Variants in EIF3L observed in about 807,000 individuals in gnomAD.
EIF3L encodes the protein eIEF associated protein HSPC021.
Under a neutral mutation model 74.6 loss-of-function variants are expected in EIF3L, and 32 were observed. That is an observed-to-expected ratio of 0.43 (90% confidence interval 0.32 to 0.58). The LOEUF is 0.58. EIF3L is among the 20% of genes least tolerant of loss of function. The probability of loss-of-function intolerance (pLI) is 0.06; values close to 1 mark genes in which losing one functional copy is unlikely to be tolerated. For missense variants in EIF3L, 474 were observed against 707.8 expected (o/e 0.67, Z 3.75); for synonymous variants, 256 against 254.4 (o/e 1.01, Z -0.06).
In EIF3L at chr22:37,875,879, A is replaced by G. The variant is rs2145832969; in HGVS notation, c.945A>G (p.Thr315=). Residue 315 remains threonine (T), a synonymous_variant, in exon 10 of 13, where the codon ACA becomes ACG. Transcript: ENST00000652021. ...GTGTGCCAGAGTGCCAGGTCACCAC[A>G]TACTATTATGTTGGGTTTGCATATT... The part of the protein sequence containing the change: ...YSRVPECQVT[T]YYYVGFAYLM... The G allele has an allele frequency of 1.2e-6, 2 of 1,614,006 alleles. No homozygotes were observed. The highest frequency in any genetic ancestry group is 4.5e-5 in the East Asian group (2 of 44,878).
At chr22:37,884,854 A>T (rs1012921741) in intron 11 of EIF3L, 14 of 150,334 alleles carry the variant, frequency 9.3e-5, no homozygotes, top group Non-Finnish European at 1.9e-4. Flanking sequence ...ATATATAAAT[A>T]AATAAAAATA....
intron 3 of EIF3L, among the ~76,000 whole-genome samples, chr22:37,854,771 T>G (rs751210938): frequency 2.0e-5 from 3 of 152,142 alleles, no homozygotes; most frequent in Non-Finnish European, 2.9e-5. Flanking sequence ...CTGGCCTGTT[T>G]CAGTGTTTCT....
chr22:37,867,488 G>A lies in EIF3L; in HGVS notation c.580-2688G>A, dbSNP rs143646023. Among the ~76,000 whole-genome samples the A allele has an allele frequency of 1.6e-3, 247 of 151,722 alleles. 1 individual carries two copies. The highest frequency in any genetic ancestry group is 5.4e-3 in the African/African-American group (225 of 41,376). ...AGCCTGGCCAACATGGTGAAACCCC[G>A]TCTCTACTAAAAATACAAAAATTAC... is the stretch of plus-strand genomic sequence containing the variant. On this transcript the variant is annotated intron_variant, in intron 7 of 12. Coordinates refer to ENST00000652021, the MANE Select transcript of EIF3L (RefSeq NM_016091.4).
intron 8 of EIF3L, 45 bp from the exon 9 acceptor site, chr22:37,874,325 C>T (rs569543021): frequency 6.3e-7 from 1 of 1,591,884 alleles, no homozygotes; most frequent in African/African-American, 1.3e-5. Flanking sequence ...GTGTGCCTGC[C>T]TTTACCTGCC....
At chr22:37,863,222 T>G in intron 6 of EIF3L, 50 bp from the exon 7 acceptor site, 2 of 1,498,108 alleles carry the variant, frequency 1.3e-6, no homozygotes, top group Non-Finnish European at 1.8e-6. Flanking sequence ...GCCTACAGAA[T>G]GGGCAGAGTC....
intron 3 of EIF3L, among the ~76,000 whole-genome samples, chr22:37,852,111 C>T (rs987035769): frequency 6.6e-6 from 1 of 152,148 alleles, no homozygotes; most frequent in African/African-American, 2.4e-5. Context: ...GCCTGTTGGA[C>T]TTTATATCCT....
intron 4 of EIF3L, among the ~76,000 whole-genome samples, chr22:37,858,098 C>A (rs1925631389): frequency 6.6e-6 from 1 of 151,874 alleles, no homozygotes. Context: ...ATCACTTGAG[C>A]CCTGGAAGTC....
At chr22:37,874,667 C>A in intron 9 of EIF3L, 143 bp downstream of exon 9, 2 of 986,212 alleles carry the variant, frequency 2.0e-6, no homozygotes, top group Non-Finnish European at 1.4e-6. Flanking sequence ...TAAAACTGGG[C>A]AAACAGCTGT....
intron 5 of EIF3L, among the ~76,000 whole-genome samples, chr22:37,860,624 C>T (rs563995868): frequency 4.1e-4 from 63 of 152,342 alleles, no homozygotes; most frequent in African/African-American, 1.3e-3. Context: ...CCGCCCGCCT[C>T]GGCTTCCCAA....
intron 5 of EIF3L, among the ~76,000 whole-genome samples, chr22:37,859,421 G>C (rs1313605880): frequency 1.7e-5 from 2 of 119,870 alleles, no homozygotes; most frequent in Admixed American, 1.1e-4. Flanking sequence ...TCGCTCTGTC[G>C]CCCAGGCTGG....
chr22:37,865,425 A>G (rs2145817290), intron 7 of EIF3L, among the ~76,000 whole-genome samples: 1 of 152,108 alleles, frequency 6.6e-6, no homozygotes, highest in Middle Eastern at 3.4e-3. Flanking sequence ...GTGCCACTGC[A>G]CTCCAGCCTG....
intron 8 of EIF3L, 136 bp downstream of exon 8, chr22:37,870,483 G>A: frequency 1.2e-6 from 1 of 828,764 alleles, no homozygotes. Flanking sequence ...CTTTGTAGGT[G>A]CTTGAGTACA....
At position 37,875,896 on chromosome 22, in the gene EIF3L, T is replaced by G. The variant is rs1926719710; in HGVS notation, c.962T>G (p.Phe321Cys). The stretch of plus-strand genomic sequence containing the variant: ...GTCACCACATACTATTATGTTGGGT[T>G]TGCATATTTGATGATGCGTCGTTAC... ...CQVTTYYYVG[F>C]AYLMMRRYQD... Residue 321 changes from phenylalanine to cysteine, a missense_variant, in exon 10 of 13, where the codon TTT (phenylalanine) becomes TGT (cysteine). Transcript: ENST00000652021. The G allele has an allele frequency of 6.2e-7, 1 of 1,613,986 alleles. No homozygotes were observed. Among genetic ancestry groups the G allele is most frequent in the African/African-American group, 1.3e-5 (1 of 74,910 alleles).
chr22:37,876,937 G>A (rs1926784736), intron 10 of EIF3L: 1 of 152,230 alleles, frequency 6.6e-6, no homozygotes, highest in African/African-American at 2.4e-5. Context: ...TGGAGGGCAA[G>A]TAGGTAGTAG....
At chr22:37,873,548 C>T (rs1926591030) in intron 8 of EIF3L, among the ~76,000 whole-genome samples, 1 of 152,152 alleles carries the variant, frequency 6.6e-6, no homozygotes, top group South Asian at 2.1e-4. Context: ...CCACCTCAGC[C>T]TCCCAAAGTG....
Position 37,870,259 on chromosome 22 carries a change from C to G in EIF3L, c.663C>G (p.Ile221Met), listed in dbSNP as rs1926399499. 1 of 1,613,918 alleles carries G rather than the reference C, an allele frequency of 6.2e-7. No individual in the cohort carries two copies. Among genetic ancestry groups the G allele is most frequent in the South Asian group, 1.1e-5 (1 of 91,074 alleles). Residue 221 changes from isoleucine (I) to methionine (M), a missense_variant, in exon 8 of 13, where the codon ATC (isoleucine) becomes ATG (methionine). This residue lies in a region of EIF3L where 293 missense variants were observed against 469.1 expected (regional missense o/e 0.62). Coordinates refer to ENST00000652021, the MANE Select transcript of EIF3L (RefSeq NM_016091.4). ...EIDFLRSNPK[I>M]WNVHSVLNVL... ...ACTTTCTTCGTTCCAATCCCAAAAT[C>G]TGGAATGTTCATAGTGTCCTCAATG...
rs1325088474 is a variant in EIF3L at position 37,870,320 on chromosome 22, C to T, written c.724C>T (p.Arg242Ter). 1.2e-6 allele frequency: 2 copies of T among 1,612,132 alleles called. No individual in the cohort carries two copies. The highest frequency in any genetic ancestry group is 1.7e-6 in the Non-Finnish European group (2 of 1,178,822). Residue 242 changes from arginine to a stop codon, truncating the protein, a stop_gained, in exon 8 of 13, where the codon CGA (arginine) becomes TGA (stop). Transcript: ENST00000652021. LOFTEE classifies it high-confidence loss of function. ...CCTGGTAGACAAATCCAACATCAAC[C>T]GACAGTTGGAGGTATACACAAGCGG... ...HSLVDKSNIN[R>*]QLEVYTSGGD...
intron 11 of EIF3L, chr22:37,881,282 T>C (rs1241949883): frequency 6.6e-6 from 1 of 152,218 alleles, no homozygotes; most frequent in Non-Finnish European, 1.5e-5. Context: ...TCACTCAGGC[T>C]GTAGTGCAGT....
At chr22:37,850,629 G>A (rs757600393) in intron 2 of EIF3L, 43 of 162,634 alleles carry the variant, frequency 2.6e-4, no homozygotes, top group Non-Finnish European at 1.9e-4. Context: ...GTGAGCCACC[G>A]CGCCTGCCCC....
Sources: gnomAD v4.1 joint callset for allele counts (sites outside exome capture counted in the v4.1 genomes callset) on GRCh38, gnomAD v4.1.1 for gene constraint, gnomAD v4.1.1 regional missense constraint, MANE v1.5 for transcripts, NCBI Gene and HGNC (gene_info 2026-07-23, HGNC 2026-07-21) for gene names.